Variants in AGMAT observed in about 807,000 individuals in gnomAD.
The protein encoded by AGMAT is guanidino acid hydrolase, mitochondrial.
AGMAT carries 37 observed loss-of-function variants against 29.3 expected under a neutral mutation model. The ratio of observed to expected loss-of-function variants is 1.26; its 90% CI spans 0.97 to 1.66. The LOEUF (loss-of-function observed/expected upper bound fraction) is 1.66, where lower values mean the gene tolerates loss of function less well. AGMAT is among the 40% of genes most tolerant of loss of function. AGMAT has a pLI of 0.00. For synonymous variants in AGMAT, 199 were observed against 200.8 expected (o/e 0.99, Z 0.08); for missense variants, 498 against 497.8 (o/e 1.00, Z 0.00).
chr1:15,581,792 T>C (rs1639118574), intron 2 of AGMAT, among the ~76,000 whole-genome samples: 1 of 151,474 alleles, frequency 6.6e-6, no homozygotes, highest in South Asian at 2.1e-4. Context: ...GGAGAATCAC[T>C]TGGACCCAGG....
intron 1 of AGMAT, among the ~76,000 whole-genome samples, chr1:15,584,478 A>G (rs1437276236): frequency 1.3e-5 from 2 of 152,132 alleles, no homozygotes; most frequent in Non-Finnish European, 2.9e-5. Flanking sequence ...TGATGACACT[A>G]AGATGTGGGA....
At position 15,573,150 on chromosome 1, in the gene AGMAT, T is replaced by G. The variant is rs1638982985; in HGVS notation, c.*501A>C. The stretch of plus-strand genomic sequence containing the variant: ...GGCAGGCACCTGTAATCCCAGGTAC[T>G]CAGGAGGCTGAGGCAGGAGAATCGA... On this transcript the variant is annotated 3_prime_UTR_variant, in exon 7 of 7. Transcript: ENST00000375826. 6.5e-6 allele frequency: 1 copy of G among 153,670 alleles called. No individual in the cohort carries two copies. Among genetic ancestry groups the G allele is most frequent in the Non-Finnish European group, 1.4e-5 (1 of 69,324 alleles). The allele number at this position is 153,670 out of a possible 1,614,324, so 9.5% of individuals were successfully genotyped here. A position where few individuals can be genotyped will look rare whatever the true frequency, so the allele number is the denominator to read the frequency against.
chr1:15,573,476 A>C lies in AGMAT; in HGVS notation c.*175T>G. 1.8e-6 allele frequency: 1 copy of C among 562,210 alleles called. No individual in the cohort carries two copies. Among genetic ancestry groups the C allele is most frequent in the Non-Finnish European group, 3.2e-6 (1 of 308,864 alleles). The allele number at this position is 562,210 out of a possible 1,614,324, so 34.8% of individuals were successfully genotyped here. ...CCCAATTAATCCAAGTTCCTTAGAAATGTTGCTGTTTGGGTGAGAATTCTA... is the reference window on the plus strand; with the variant it reads ...CCCAATTAATCCAAGTTCCTTAGAACTGTTGCTGTTTGGGTGAGAATTCTA... On this transcript the variant is annotated 3_prime_UTR_variant, in exon 7 of 7. Coordinates refer to ENST00000375826, the MANE Select transcript of AGMAT (RefSeq NM_024758.5).
chr1:15,584,440 G>A (rs370843540), intron 1 of AGMAT, among the ~76,000 whole-genome samples: 19 of 152,022 alleles, frequency 1.2e-4, no homozygotes, highest in African/African-American at 3.6e-4. Flanking sequence ...ATGAGCCACC[G>A]GGCCGGCCAA....
At chr1:15,580,199 A>ATAT in intron 2 of AGMAT, 57 bp from the exon 3 acceptor site, 22 of 1,036,016 alleles carry the variant, frequency 2.1e-5, no homozygotes, top group Non-Finnish European at 2.8e-5. Flanking sequence ...ACATAGAATA[A>ATAT]TCTTTTTTTT....
chr1:15,580,176 G>T, intron 2 of AGMAT, 34 bp from the exon 3 acceptor site: 15 of 1,178,522 alleles, frequency 1.3e-5, no homozygotes, highest in African/African-American at 3.1e-5. Context: ...TCTGGAAAGT[G>T]AATTGGAGGA....
chr1:15,583,209 A>C lies in AGMAT; in HGVS notation c.459T>G (p.Cys153Trp), dbSNP rs753029006. The C allele has an allele frequency of 6.2e-7, 1 of 1,613,978 alleles. No individual in the cohort carries two copies. Among genetic ancestry groups the C allele is most frequent in the Non-Finnish European group, 8.5e-7 (1 of 1,180,040 alleles). ...TGACATTACCCAAGGTCAGAGGAAT[A>C]CAGCCAGCTGCTACAATTTTCTCAT... The part of the protein sequence containing the change: ...EAYEKIVAAG[C>W]IPLTLGGDHT... The change falls in exon 2 of 7, where the codon TGT becomes TGG. Residue 153 changes from cysteine to tryptophan, a missense_variant. Cys to Trp is a radical substitution (Grantham distance 215). Coordinates refer to ENST00000375826, the MANE Select transcript of AGMAT (RefSeq NM_024758.5).
intron 3 of AGMAT, among the ~76,000 whole-genome samples, 187 bp from the exon 4 acceptor site, chr1:15,579,241 A>G (rs182042239): frequency 6.6e-6 from 1 of 152,200 alleles, no homozygotes; most frequent in Non-Finnish European, 1.5e-5. Flanking sequence ...CAATAAACTC[A>G]CAGAAGTCAG....
chr1:15,583,124 G>A, intron 2 of AGMAT, 69 bp downstream of exon 2: 6 of 1,397,292 alleles, frequency 4.3e-6, no homozygotes, highest in South Asian at 1.2e-5. Context: ...CTGTACTCAA[G>A]CCCCTGAGTA....
chr1:15,583,979 C>T (rs549211103), intron 1 of AGMAT, among the ~76,000 whole-genome samples: 1 of 152,286 alleles, frequency 6.6e-6, no homozygotes, highest in South Asian at 2.1e-4. Context: ...TTTCTTGAGT[C>T]AGGTGACATC....
chr1:15,580,054 C>G (rs748160866), intron 3 of AGMAT, 40 bp downstream of exon 3: 18 of 1,595,018 alleles, frequency 1.1e-5, no homozygotes, highest in Non-Finnish European at 1.5e-5. Flanking sequence ...TAGCTTCTGG[C>G]TTTTGAAATC....
intron 4 of AGMAT, 26 bp from the exon 5 acceptor site, chr1:15,577,890 T>A: frequency 6.2e-7 from 1 of 1,605,756 alleles, no homozygotes; most frequent in Non-Finnish European, 8.5e-7. Flanking sequence ...CTGAGGTTTC[T>A]GTCTGGCAGC....
chr1:15,581,189 A>G (rs1047125804), intron 2 of AGMAT, among the ~76,000 whole-genome samples: 5 of 151,966 alleles, frequency 3.3e-5, no homozygotes. Flanking sequence ...CTTTGCAAAA[A>G]ATACAAAAAT....
At chr1:15,578,837 T>TG (rs778064240) in intron 4 of AGMAT, 22 bp downstream of exon 4, 2 of 1,609,874 alleles carry the variant, frequency 1.2e-6, no homozygotes, top group Non-Finnish European at 1.7e-6. Flanking sequence ...GGGGCAAGGG[T>TG]GGGGGGCATT....
chr1:15,582,576 G>T (rs999577378), intron 2 of AGMAT, among the ~76,000 whole-genome samples: 2 of 152,176 alleles, frequency 1.3e-5, no homozygotes, highest in African/African-American at 4.8e-5. Context: ...AAGTATTTGT[G>T]AACAAGAGAA....
At chr1:15,573,779 G>T in intron 6 of AGMAT, 55 bp from the exon 7 acceptor site, 1 of 1,468,816 alleles carries the variant, frequency 6.8e-7, no homozygotes, top group Non-Finnish European at 9.5e-7. Flanking sequence ...GCTGAGCCAA[G>T]CCTTGGGACT....
intron 1 of AGMAT, among the ~76,000 whole-genome samples, chr1:15,584,142 C>A (rs1165777033): frequency 6.6e-6 from 1 of 152,058 alleles, no homozygotes; most frequent in Non-Finnish European, 1.5e-5. Context: ...CTCCAGAATC[C>A]CTTCTTTTTT....
chr1:15,584,850 G>GT lies in AGMAT; in HGVS notation c.117_118insA (p.Pro40ThrfsTer71). On this transcript the variant is annotated frameshift_variant, in exon 1 of 7. Coordinates refer to ENST00000375826, the MANE Select transcript of AGMAT (RefSeq NM_024758.5). LOFTEE classifies it high-confidence loss of function. ...TCGGGGCTGGGGGGCTGGTTCCGGG[G>GT]CGCGTCGGAAGCCTGGCGGCTCTGG... 7.0e-7 allele frequency: 1 copy of GT among 1,429,410 alleles called. No individual in the cohort carries two copies. The highest frequency in any genetic ancestry group is 9.1e-7 in the Non-Finnish European group (1 of 1,096,752). The allele number at this position is 1,429,410 out of a possible 1,614,324, so 88.5% of individuals were successfully genotyped here.
chr1:15,579,858 CA>C lies in AGMAT; in HGVS notation c.524+235del, dbSNP rs1365403941. On this transcript the variant is annotated intron_variant, in intron 3 of 6. Transcript: ENST00000375826. The stretch of plus-strand genomic sequence containing the variant: ...AAGCAAGTTGAAAATGCTGAGCACA[CA>C]TACCAGGAGAGATCTAGGGCAAGGG... Among the ~76,000 whole-genome samples, 7 of 152,306 alleles carry C rather than the reference CA, an allele frequency of 4.6e-5. No individual in the cohort carries two copies. The South Asian group carries it at 6.2e-4, about 14-fold the overall frequency.
Sources: gnomAD v4.1 joint callset for allele counts (sites outside exome capture counted in the v4.1 genomes callset) on GRCh38, gnomAD v4.1.1 for gene constraint, MANE v1.5 for transcripts, NCBI Gene and HGNC (gene_info 2026-07-23, HGNC 2026-07-21) for gene names.